EVPL: variants seen among roughly 807,000 people sequenced by gnomAD.
The protein encoded by EVPL is envoplakin.
In EVPL, 94 loss-of-function variants were observed where a neutral mutation model predicts 129.7. The ratio of observed to expected loss-of-function variants is 0.72; its 90% CI spans 0.61 to 0.86. The LOEUF is 0.86. Ranked by LOEUF, EVPL falls within the 40% of genes least tolerant of loss-of-function variation. The probability of loss-of-function intolerance (pLI) is 0.00; values close to 1 mark genes in which losing one functional copy is unlikely to be tolerated. For synonymous variants in EVPL, 1,172 were observed against 1,191.1 expected, an observed-to-expected ratio of 0.98 and a Z score of 0.33; for missense variants, 2,625 against 2,721.1, an observed-to-expected ratio of 0.96 and a Z score of 0.79.
rs553337725 is a variant in EVPL at position 76,017,785 on chromosome 17, C to T, written c.1664G>A (p.Arg555His). The T allele has an allele frequency of 6.4e-5, 103 of 1,613,136 alleles. No individual in the cohort carries two copies. The Middle Eastern group carries it at 6.6e-4, about 10-fold the overall frequency. ...VLAWARAPLS[R>H]PTPLEDLEGR... The stretch of plus-strand genomic sequence containing the variant: ...CTCCAAGTCCTCCAAGGGTGTGGGG[C>T]GGCTCAGCGGGGCCCGCGCCCAGGC... Residue 555 changes from arginine (R) to histidine (H), a missense_variant, in exon 14 of 22, where the codon CGC (arginine) becomes CAC (histidine). Arg to His is a conservative substitution (Grantham distance 29, BLOSUM62 0). Coordinates refer to ENST00000301607, the MANE Select transcript of EVPL (RefSeq NM_001988.4).
In EVPL at chr17:76,008,020, A is replaced by G; in HGVS notation, c.5185T>C (p.Ser1729Pro). Residue 1729 changes from serine (S) to proline (P), a missense_variant, in exon 22 of 22, where the codon TCG becomes CCG. Coordinates refer to ENST00000301607, the MANE Select transcript of EVPL (RefSeq NM_001988.4). This position sits in a 1 kb window ranked among gnomAD's most constrained non-coding sequence, Gnocchi z 7.4. The stretch of plus-strand genomic sequence containing the variant: ...ACAGACTCCTCCCCACAGGGCCCCG[A>G]GGTGGTGACCTCCTCCCAGTCACAC... ...LECDWEEVTT[S>P]GPCGEESVLL... 6.2e-7 allele frequency: 1 copy of G among 1,614,028 alleles called. No homozygotes were observed. The highest frequency in any genetic ancestry group is 8.5e-7 in the Non-Finnish European group (1 of 1,179,996).
Position 76,009,830 on chromosome 17 carries a change from C to T in EVPL, c.3375G>A (p.Arg1125=). 4 of 1,614,026 alleles carry T rather than the reference C, an allele frequency of 2.5e-6. No individual in the cohort carries two copies. The highest frequency in any genetic ancestry group is 3.4e-6 in the Non-Finnish European group (4 of 1,180,006). The change falls in exon 22 of 22, where the codon CGG becomes CGA. Residue 1125 remains arginine (R), a synonymous_variant. Transcript: ENST00000301607. The surrounding 1 kb of genome is among the most constrained non-coding windows in gnomAD (Gnocchi z 5.9). ...KLQARIEDLE[R]AISSVEPKVI... is the part of the protein sequence containing the mutation. Reference sequence around the variant, plus strand: ...CCTTGGGCTCCACCGAGCTGATAGCCCGCTCCAGGTCTTCGATGCGAGCCT... The same window carrying T: ...CCTTGGGCTCCACCGAGCTGATAGCTCGCTCCAGGTCTTCGATGCGAGCCT...
At chr17:76,012,979 T>C (rs2665994) in intron 18 of EVPL, among the ~76,000 whole-genome samples, 15,745 of 150,854 alleles carry the variant, frequency 0.1, 1,136 homozygotes, top group East Asian at 0.26. Flanking sequence ...CTCCTGACCT[T>C]GTGATCCGCC....
rs1046758929 is a variant in EVPL at position 76,018,271 on chromosome 17, G to A, written c.1440-13C>T. Reference sequence around the variant, plus strand: ...CTCTGAGGCCAGCCTAGAATGAAGAGGAGATTGAAGAAAGAGGTCCCCACT... The same window carrying A: ...CTCTGAGGCCAGCCTAGAATGAAGAAGAGATTGAAGAAAGAGGTCCCCACT... On this transcript the variant is annotated splice_polypyrimidine_tract_variant and intron_variant, in intron 12 of 21. Transcript: ENST00000301607. 1 of 1,531,070 alleles carries A rather than the reference G, an allele frequency of 6.5e-7. No homozygotes were observed. Among genetic ancestry groups the A allele is most frequent in the Non-Finnish European group, 8.8e-7 (1 of 1,135,472 alleles). 94.8% of individuals were successfully genotyped at this position (1,531,070 alleles called of 1,614,324 possible). A position where few individuals can be genotyped will look rare whatever the true frequency, so the allele number is the denominator to read the frequency against.
At position 76,008,245 on chromosome 17, in the gene EVPL, C is replaced by G. The variant is rs765962455; in HGVS notation, c.4960G>C (p.Glu1654Gln). The G allele has an allele frequency of 3.1e-6, 5 of 1,613,596 alleles. No individual in the cohort carries two copies. The highest frequency in any genetic ancestry group is 3.3e-5 in the Admixed American group (2 of 60,012). ...AGGTCCCGGAGCGTCCGCTCCTTCT[C>G]GTAGATCTGGTCCTTCTCGCGGAGG... ...AILREKDQIYEKERTLRDLHA... is the reference protein window; with the variant it reads ...AILREKDQIYQKERTLRDLHA... The change falls in exon 22 of 22, where the codon GAG becomes CAG. Residue 1654 changes from glutamate (E) to glutamine (Q), a missense_variant. By Grantham distance (29) the Glu-to-Gln change is conservative. This residue lies in a region of EVPL where 1,453 missense variants were observed against 1,511.8 expected (regional missense o/e 0.96). Coordinates refer to ENST00000301607, the MANE Select transcript of EVPL (RefSeq NM_001988.4). This position sits in a 1 kb window ranked among gnomAD's most constrained non-coding sequence, Gnocchi z 7.4.
At position 76,010,100 on chromosome 17, in the gene EVPL, G is replaced by A; in HGVS notation, c.3105C>T (p.Leu1035=). 6.2e-7 allele frequency: 1 copy of A among 1,613,970 alleles called. No homozygotes were observed. Among genetic ancestry groups the A allele is most frequent in the Non-Finnish European group, 8.5e-7 (1 of 1,180,040 alleles). ...DPGLDSQAAQ[L]RIQIQQLRGE... is the part of the protein sequence containing the mutation. Reference sequence around the variant, plus strand: ...CGCGGAGCTGCTGGATCTGGATCCTGAGCTGGGCCGCCTGGCTGTCCAGGC... The same window carrying A: ...CGCGGAGCTGCTGGATCTGGATCCTAAGCTGGGCCGCCTGGCTGTCCAGGC... The change falls in exon 22 of 22, where the codon CTC becomes CTT. Residue 1035 remains leucine, a synonymous_variant. Coordinates refer to ENST00000301607, the MANE Select transcript of EVPL (RefSeq NM_001988.4).
chr17:76,019,642 C>T lies in EVPL; in HGVS notation c.1023G>A (p.Glu341=). 1.9e-6 allele frequency: 3 copies of T among 1,611,004 alleles called. No individual in the cohort carries two copies. In the South Asian group the frequency reaches 3.3e-5, roughly 18 times the overall value. Residue 341 remains glutamate (E), a synonymous_variant, in exon 10 of 22, where the codon GAG becomes GAA. Coordinates refer to ENST00000301607, the MANE Select transcript of EVPL (RefSeq NM_001988.4). ...CCAGGGTCTGGCTGACTGAGTCGGCCTCTTCCTGGAACTGAGTTCACTGGG... is the reference window on the plus strand; with the variant it reads ...CCAGGGTCTGGCTGACTGAGTCGGCTTCTTCCTGGAACTGAGTTCACTGGG... ...HVEDYRRFQE[E]ADSVSQTLAK...
Position 76,010,329 on chromosome 17 carries a change from A to T in EVPL, c.2876T>A (p.Val959Glu), listed in dbSNP as rs955227586. 9 of 1,613,672 alleles carry T rather than the reference A, an allele frequency of 5.6e-6. No homozygotes were observed. The highest frequency in any genetic ancestry group is 5.3e-5 in the African/African-American group (4 of 74,876). The change falls in exon 22 of 22, where the codon GTG (valine) becomes GAG (glutamate). Residue 959 changes from valine (V) to glutamate (E), a missense_variant. Physicochemically the swap from Val to Glu is moderately radical, Grantham distance 121. Around this residue, in one of 4 missense-constraint regions of EVPL, gnomAD observed 1,453 missense variants for 1,511.8 expected, o/e 0.96. Coordinates refer to ENST00000301607, the MANE Select transcript of EVPL (RefSeq NM_001988.4). ...RPLERLEEKE[V>E]VEFYRDPQLE... The stretch of plus-strand genomic sequence containing the variant: ...CTGGGGGTCCCGGTAGAACTCTACC[A>T]CTTCCTTCTCCTCCAGCCTCTCCAA...
chr17:76,026,462 G>A (rs1247636789), intron 1 of EVPL, among the ~76,000 whole-genome samples: 2 of 152,134 alleles, frequency 1.3e-5, no homozygotes, highest in South Asian at 2.1e-4. Flanking sequence ...GAATCCTCCC[G>A]CATTGGCCTC....
rs144079186 is a variant in EVPL at position 76,007,136 on chromosome 17, G to A, written c.6069C>T (p.Ser2023=). 3.0e-5 allele frequency: 44 copies of A among 1,489,150 alleles called. No homozygotes were observed. Among genetic ancestry groups the A allele is most frequent in the African/African-American group, 9.8e-5 (7 of 71,398 alleles). 92.2% of individuals were successfully genotyped at this position (1,489,150 alleles called of 1,614,324 possible). Reference sequence around the variant, plus strand: ...GGGAGCGCGGGACGGTGGGGGAGGCGGAGCGGTAGCAGCGGTACCCCTCCA... The same window carrying A: ...GGGAGCGCGGGACGGTGGGGGAGGCAGAGCGGTAGCAGCGGTACCCCTCCA... The part of the protein sequence containing the change: ...AALEGYRCYR[S]ASPTVPRSLR The change falls in exon 22 of 22, where the codon TCC becomes TCT. Residue 2023 remains serine, a synonymous_variant. Transcript: ENST00000301607. This position sits in a 1 kb window ranked among gnomAD's most constrained non-coding sequence, Gnocchi z 8.8.
At chr17:76,020,518 C>T (rs183879843) in intron 9 of EVPL, among the ~76,000 whole-genome samples, 13 of 152,080 alleles carry the variant, frequency 8.5e-5, no homozygotes, top group East Asian at 1.9e-4. Flanking sequence ...TTTTTGTCAA[C>T]GTGTGTGATC....
At position 76,010,030 on chromosome 17, in the gene EVPL, CCTT is replaced by C; in HGVS notation, c.3172_3174del (p.Lys1058del). On this transcript the variant is annotated inframe_deletion, in exon 22 of 22. Coordinates refer to ENST00000301607, the MANE Select transcript of EVPL (RefSeq NM_001988.4). The stretch of plus-strand genomic sequence containing the variant: ...TCCCTCTTCTCAAGGGCCAGTAGCT[CCTT>C]CTTCAGCCCTTCCAGCCGGGCCGAG... The C allele has an allele frequency of 6.2e-7, 1 of 1,613,162 alleles. No homozygotes were observed. Among genetic ancestry groups the C allele is most frequent in the Non-Finnish European group, 8.5e-7 (1 of 1,180,038 alleles).
chr17:76,012,900 G>A (rs953230566), intron 18 of EVPL, among the ~76,000 whole-genome samples: 2 of 151,698 alleles, frequency 1.3e-5, no homozygotes, highest in Non-Finnish European at 2.9e-5. Flanking sequence ...GCCCAGCACC[G>A]TGCCCGGCTA....
At position 76,015,109 on chromosome 17, in the gene EVPL, G is replaced by A. The variant is rs2066408550; in HGVS notation, c.2029C>T (p.Arg677Cys). The change falls in exon 17 of 22, where the codon CGC (arginine) becomes TGC (cysteine). Residue 677 changes from arginine (R) to cysteine (C), a missense_variant and splice_region_variant. Coordinates refer to ENST00000301607, the MANE Select transcript of EVPL (RefSeq NM_001988.4). ...TGTTCCAGCAGCTCCCTCCGCTGGC[G>A]CTGCAGGAGGAGGGGACGCAGCCGT... ...ALQERVSELQ[R>C]QRRELLEQQT... is the part of the protein sequence containing the mutation. 2 of 1,572,190 alleles carry A rather than the reference G, an allele frequency of 1.3e-6. No individual in the cohort carries two copies. The highest frequency in any genetic ancestry group is 1.7e-5 in the Admixed American group (1 of 59,360).
intron 1 of EVPL, among the ~76,000 whole-genome samples, chr17:76,025,550 T>C (rs771223397): frequency 5.3e-5 from 8 of 152,090 alleles, no homozygotes; most frequent in South Asian, 2.1e-4. Context: ...CCTCCTGGGA[T>C]GGCTGCTCCC....
chr17:76,019,587 A>G lies in EVPL; in HGVS notation c.1078T>C (p.Tyr360His). The part of the protein sequence containing the change: ...AKLNSNLDAK[Y>H]SPAPGGPPGA... ...GGGGGGCCCCCAGGTGCAGGGCTGT[A>G]CTTGGCATCCAAGTTGGAGTTGAGC... Residue 360 changes from tyrosine (Y) to histidine (H), a missense_variant, in exon 10 of 22, where the codon TAC becomes CAC. By Grantham distance (83) the Tyr-to-His change is moderately conservative. Around this residue, in one of 4 missense-constraint regions of EVPL, gnomAD observed 1,024 missense variants for 997.5 expected, o/e 1.03. Coordinates refer to ENST00000301607, the MANE Select transcript of EVPL (RefSeq NM_001988.4). 1 of 1,604,442 alleles carries G rather than the reference A, an allele frequency of 6.2e-7. No homozygotes were observed. Among genetic ancestry groups the G allele is most frequent in the Non-Finnish European group, 8.5e-7 (1 of 1,175,908 alleles).
At chr17:76,021,300 C>G (rs182305783) in intron 9 of EVPL, among the ~76,000 whole-genome samples, 168 bp downstream of exon 9, 2 of 152,280 alleles carry the variant, frequency 1.3e-5, no homozygotes, top group Admixed American at 1.3e-4. Flanking sequence ...AAGTGATCCA[C>G]CAGCCTCGGC....
intron 18 of EVPL, among the ~76,000 whole-genome samples, chr17:76,014,185 G>A (rs1026292357): frequency 6.6e-6 from 1 of 152,210 alleles, no homozygotes; most frequent in East Asian, 1.9e-4. Flanking sequence ...TGATGAGCAT[G>A]AGAAAGTGGC....
rs2066326223 is a variant in EVPL, at chr17:76,007,374, AG to A, written c.5830del (p.Leu1944SerfsTer20). Reference protein sequence around the residue: ...HLQVQHLTGGLIDPKRTGRIP... With the variant: ...HLQVQHLTGGXIDPKRTGRIP... ...GCGGCCTGTCCTCTTGGGGTCGATG[AG>A]CCCCCCGGTCAGGTGCTGCACCTGC... On this transcript the variant is annotated frameshift_variant, in exon 22 of 22. Transcript: ENST00000301607. LOFTEE classifies it low-confidence loss of function (END_TRUNC). This position sits in a 1 kb window ranked among gnomAD's most constrained non-coding sequence, Gnocchi z 8.8. 6 of 1,596,158 alleles carry A rather than the reference AG, an allele frequency of 3.8e-6. No homozygotes were observed. The highest frequency in any genetic ancestry group is 1.7e-5 in the Admixed American group (1 of 59,216).
Sources: gnomAD v4.1 joint callset for allele counts (sites outside exome capture counted in the v4.1 genomes callset) on GRCh38, gnomAD v4.1.1 for gene constraint, gnomAD v4.1.1 regional missense constraint, Gnocchi (gnomAD v3.1) non-coding constraint, MANE v1.5 for transcripts, NCBI Gene and HGNC (gene_info 2026-07-23, HGNC 2026-07-21) for gene names.